Variants in ATP10A observed in about 807,000 individuals in gnomAD.
ATP10A encodes ATPase phospholipid transporting 10A (putative), also known as phospholipid-transporting ATPase VA.
In ATP10A, 111 loss-of-function variants were observed where a neutral mutation model predicts 147.8. The ratio of observed to expected loss-of-function variants is 0.75; its 90% CI spans 0.64 to 0.88. The LOEUF (loss-of-function observed/expected upper bound fraction) is 0.88, where lower values mean the gene tolerates loss of function less well. ATP10A is among the 40% of genes least tolerant of loss of function. The pLI is 0.00. For synonymous variants in ATP10A, 875 were observed against 841.6 expected (o/e 1.04, Z -0.69); for missense variants, 1,927 against 1,959.0 (o/e 0.98, Z 0.31).
chr15:25,724,879 G>GA (rs1001811319), intron 5 of ATP10A, among the ~76,000 whole-genome samples: 2 of 152,242 alleles, frequency 1.3e-5, no homozygotes, highest in Admixed American at 1.3e-4. Flanking sequence ...AATATTAGGA[G>GA]AAAAAAATTA....
rs139305911 is a variant in ATP10A at position 25,722,553 on chromosome 15, T to A, written c.1111-644A>T. Reference sequence around the variant, plus strand: ...TTTTTGTAGAGTAACAGTATTGGACTAATGTTTACAGACTCAGAATATCAC... The same window carrying A: ...TTTTTGTAGAGTAACAGTATTGGACAAATGTTTACAGACTCAGAATATCAC... On this transcript the variant is annotated intron_variant, in intron 6 of 20. Coordinates refer to ENST00000555815, the MANE Select transcript of ATP10A (RefSeq NM_024490.4). Among the ~76,000 whole-genome samples, 16 of 152,356 alleles carry A rather than the reference T, an allele frequency of 1.1e-4. No homozygotes were observed. In the East Asian group the frequency reaches 3.1e-3, roughly 29 times the overall value.
intron 1 of ATP10A, among the ~76,000 whole-genome samples, chr15:25,822,851 T>G (rs1325203976): frequency 1.3e-5 from 2 of 152,210 alleles, no homozygotes; most frequent in Non-Finnish European, 2.9e-5. Flanking sequence ...CCAAATAGAA[T>G]TGCTAATTTC....
chr15:25,832,476 T>C (rs571389249), intron 1 of ATP10A, among the ~76,000 whole-genome samples: 1 of 152,178 alleles, frequency 6.6e-6, no homozygotes, highest in Non-Finnish European at 1.5e-5. Context: ...ATTGTCGCAG[T>C]CTAAAATTGG....
At chr15:25,864,421 T>C (rs1316331588), upstream of ATP10A, among the ~76,000 whole-genome samples, 1 of 151,906 alleles carries the variant, frequency 6.6e-6, no homozygotes, top group African/African-American at 2.4e-5. Context: ...TTCCTGGGGG[T>C]GCCTGCTAAC....
At chr15:25,861,508 C>T (rs1347288486) in intron 1 of ATP10A, among the ~76,000 whole-genome samples, 1 of 152,120 alleles carries the variant, frequency 6.6e-6, no homozygotes, top group Non-Finnish European at 1.5e-5. Context: ...AGGCACGCAT[C>T]CATGGCTTCA....
At chr15:25,797,485 C>T (rs987720773) in intron 1 of ATP10A, among the ~76,000 whole-genome samples, 12 of 148,432 alleles carry the variant, frequency 8.1e-5, no homozygotes, top group African/African-American at 2.5e-4. Flanking sequence ...CTCCCTTGAA[C>T]TCAATTCTTC....
intron 2 of ATP10A, among the ~76,000 whole-genome samples, chr15:25,760,698 G>A (rs1888714796): frequency 1.3e-5 from 2 of 152,202 alleles, no homozygotes; most frequent in South Asian, 2.1e-4. Flanking sequence ...TAATTACATG[G>A]AGCTGGGCAC....
At chr15:25,802,354 T>C (rs1439100361) in intron 1 of ATP10A, among the ~76,000 whole-genome samples, 1 of 152,152 alleles carries the variant, frequency 6.6e-6, no homozygotes, top group Non-Finnish European at 1.5e-5. Context: ...TTGATAAACG[T>C]CCAGCAGGTT....
chr15:25,774,649 T>C (rs1596861664), intron 2 of ATP10A, among the ~76,000 whole-genome samples: 1 of 150,800 alleles, frequency 6.6e-6, no homozygotes, highest in East Asian at 2.0e-4. Context: ...TAATAGACTA[T>C]AAATTAAAGG....
intron 3 of ATP10A, 62 bp from the exon 4 acceptor site, chr15:25,727,328 G>T: frequency 7.5e-7 from 1 of 1,338,194 alleles, no homozygotes; most frequent in Non-Finnish European, 1.1e-6. Context: ...GTCTGGAGCC[G>T]CAATGCCTTG....
chr15:25,755,532 G>A (rs1434654737), intron 2 of ATP10A, among the ~76,000 whole-genome samples: 1 of 152,150 alleles, frequency 6.6e-6, no homozygotes, highest in Non-Finnish European at 1.5e-5. Context: ...TTTCTAATAG[G>A]TGACTCCGAA....
chr15:25,786,368 A>G (rs1180234437), intron 1 of ATP10A, among the ~76,000 whole-genome samples: 1 of 152,152 alleles, frequency 6.6e-6, no homozygotes. Context: ...GTTTTACTCC[A>G]TTTTTGGAGA....
chr15:25,705,461 A>AG (rs1900932326), intron 12 of ATP10A, among the ~76,000 whole-genome samples: 1 of 2,700 alleles, frequency 3.7e-4, no homozygotes, highest in Non-Finnish European at 1.7e-3. Flanking sequence ...AAACAAAAAA[A>AG]AAAAACAAAA....
intron 2 of ATP10A, chr15:25,738,719 G>A (rs895976830): frequency 6.6e-6 from 1 of 152,094 alleles, no homozygotes; most frequent in Admixed American, 6.6e-5. Context: ...AGTCTCCCTC[G>A]CCAGTAATTC....
intron 1 of ATP10A, among the ~76,000 whole-genome samples, chr15:25,839,706 T>C (rs1211232722): frequency 6.6e-5 from 10 of 152,158 alleles, no homozygotes; most frequent in Non-Finnish European, 1.5e-4. Context: ...TTACCATTAA[T>C]AACTCAATGG....
downstream of ATP10A, among the ~76,000 whole-genome samples, chr15:25,676,903 G>A (rs1486071114): frequency 6.6e-6 from 1 of 151,988 alleles, no homozygotes; most frequent in Non-Finnish European, 1.5e-5. Context: ...GCAAGCAATT[G>A]TCCTTTACCT....
chr15:25,696,168 C>T (rs754303955), intron 13 of ATP10A, among the ~76,000 whole-genome samples: 3 of 152,162 alleles, frequency 2.0e-5, no homozygotes, highest in East Asian at 1.9e-4. Flanking sequence ...CAACACACCA[C>T]GGAAATCCAG....
chr15:25,828,385 A>T (rs1299406361), intron 1 of ATP10A, among the ~76,000 whole-genome samples: 1 of 152,254 alleles, frequency 6.6e-6, no homozygotes, highest in Non-Finnish European at 1.5e-5. Flanking sequence ...AGTACAGACC[A>T]TAAGCTAAGC....
intron 1 of ATP10A, among the ~76,000 whole-genome samples, chr15:25,860,071 C>G (rs942672739): frequency 6.6e-6 from 1 of 152,158 alleles, no homozygotes; most frequent in African/African-American, 2.4e-5. Context: ...CTGCACAGAC[C>G]TTGGCCTGAC....
Sources: allele counts gnomAD v4.1 joint callset (sites outside exome capture counted in the v4.1 genomes callset), GRCh38; gene constraint gnomAD v4.1.1; transcripts MANE v1.5; gene names NCBI Gene and HGNC (gene_info 2026-07-23, HGNC 2026-07-21).